Variants in EEF1AKMT4 observed in about 807,000 individuals in gnomAD.
EEF1AKMT4 encodes EEF1A lysine methyltransferase 4, also known as eukaryotic translation elongation factor 1 alpha lysine specific methyltransferase 4.
EEF1AKMT4 carries 17 observed loss-of-function variants against 23.0 expected under a neutral mutation model. The observed-to-expected ratio is 0.74, with a 90% CI of 0.51 to 1.11. The LOEUF (loss-of-function observed/expected upper bound fraction) is 1.11, where lower values mean the gene tolerates loss of function less well. Among genes scored for constraint, EEF1AKMT4 ranks in the 50% least tolerant of loss-of-function variants. The pLI, the probability that EEF1AKMT4 is intolerant of heterozygous loss-of-function variation, is 0.00. For missense variants in EEF1AKMT4, 318 were observed against 333.4 expected (o/e 0.95, Z 0.36); for synonymous variants, 140 against 141.4 (o/e 0.99, Z 0.07).
intron 1 of EEF1AKMT4, among the ~76,000 whole-genome samples, chr3:184,252,780 T>C (rs1294634257): frequency 2.6e-5 from 4 of 151,724 alleles, no homozygotes; most frequent in Admixed American, 1.3e-4. Context: ...CCGTCTCTAC[T>C]AAAAACATAA....
At chr3:184,258,169 C>G in intron 2 of EEF1AKMT4, 119 bp from the exon 3 acceptor site, 1 of 969,156 alleles carries the variant, frequency 1.0e-6, no homozygotes. Flanking sequence ...CATGGAAAGC[C>G]TGAGCTACAG....
At chr3:184,254,540 T>TAA (rs1213250266) in intron 1 of EEF1AKMT4, among the ~76,000 whole-genome samples, 18 of 99,110 alleles carry the variant, frequency 1.8e-4, no homozygotes, top group Admixed American at 2.2e-4. Flanking sequence ...CCGTCTCTAC[T>TAA]AAAAAAAAAA....
chr3:184,257,008 G>A (rs992091005), intron 1 of EEF1AKMT4, among the ~76,000 whole-genome samples: 2 of 151,434 alleles, frequency 1.3e-5, no homozygotes, highest in African/African-American at 4.9e-5. Flanking sequence ...ATCATATCCT[G>A]TATATGGCCT....
Position 184,257,752 on chromosome 3 carries a change from G to A in EEF1AKMT4, c.476G>A (p.Ser159Asn). The change falls in exon 2 of 3, where the codon AGT becomes AAT. Residue 159 changes from serine (S) to asparagine (N), a missense_variant. Coordinates refer to ENST00000324557, the MANE Select transcript of EEF1AKMT4 (RefSeq NM_032331.4). ...EGVHTVDQVL[S>N]EVSRVLVPGG... Reference sequence around the variant, plus strand: ...GTCCACACTGTGGACCAGGTGTTGAGTGAGGTGAGGGAGCAACAAGAGAGG... The same window carrying A: ...GTCCACACTGTGGACCAGGTGTTGAATGAGGTGAGGGAGCAACAAGAGAGG... 1.2e-6 allele frequency: 2 copies of A among 1,610,226 alleles called. No homozygotes were observed. Among genetic ancestry groups the A allele is most frequent in the South Asian group, 2.2e-5 (2 of 90,840 alleles).
chr3:184,258,380 T>G lies in EEF1AKMT4; in HGVS notation c.573T>G (p.Tyr191Ter). The G allele has an allele frequency of 6.2e-7, 1 of 1,613,990 alleles. No homozygotes were observed. The highest frequency in any genetic ancestry group is 8.5e-7 in the Non-Finnish European group (1 of 1,179,900). The change falls in exon 3 of 3, where the codon TAT (tyrosine) becomes TAG (stop). Residue 191 changes from tyrosine to a stop codon, truncating the protein, a stop_gained. Coordinates refer to ENST00000324557, the MANE Select transcript of EEF1AKMT4 (RefSeq NM_032331.4). LOFTEE classifies it high-confidence loss of function. ...CCAGACACTATGCCCAAGCCTATTATGGCTGGTCCCTGAGGCATGCTACCT... is the reference window on the plus strand; with the variant it reads ...CCAGACACTATGCCCAAGCCTATTAGGGCTGGTCCCTGAGGCATGCTACCT... ...FRTRHYAQAY[Y>*]GWSLRHATYG... is the part of the protein sequence containing the mutation.
chr3:184,257,470 CA>C lies in EEF1AKMT4; in HGVS notation c.197-2del, dbSNP rs1560171983. 1 of 1,592,430 alleles carries C rather than the reference CA, an allele frequency of 6.3e-7. No homozygotes were observed. The highest frequency in any genetic ancestry group is 2.3e-5 in the East Asian group (1 of 44,386). On this transcript the variant is annotated splice_acceptor_variant, in intron 1 of 2. Transcript: ENST00000324557. LOFTEE classifies it high-confidence loss of function. ...TTTTGCTACCCATTCCCTCCCACCC[CA>C]GGTTGCGGGAACAGTGCCCTGAGCT...
At chr3:184,255,276 C>A (rs538683550) in intron 1 of EEF1AKMT4, among the ~76,000 whole-genome samples, 1 of 152,300 alleles carries the variant, frequency 6.6e-6, no homozygotes, top group East Asian at 1.9e-4. Flanking sequence ...TGTGCTGTAT[C>A]TATCATGGCT....
Position 184,258,538 on chromosome 3 carries a change from C to T in EEF1AKMT4, c.731C>T (p.Ser244Leu). 1.2e-6 allele frequency: 2 copies of T among 1,606,830 alleles called. No homozygotes were observed. The highest frequency in any genetic ancestry group is 2.7e-5 in the African/African-American group (2 of 74,948). ...PPTSPCFLQDSDHEDFLSAIQ... is the reference protein window; with the variant it reads ...PPTSPCFLQDLDHEDFLSAIQ... ...ACCTCACCTTGCTTCCTTCAGGACT[C>T]AGATCATGAGGACTTCCTTAGTGCC... is the stretch of plus-strand genomic sequence containing the variant. The change falls in exon 3 of 3, where the codon TCA becomes TTA. Residue 244 changes from serine (S) to leucine (L), a missense_variant. By Grantham distance (145) the Ser-to-Leu change is moderately radical. Transcript: ENST00000324557.
rs1577115630 is a variant in EEF1AKMT4, at chr3:184,254,147, C to T, written c.197-3326C>T. Reference sequence around the variant, plus strand: ...GAACAGAGTACCCTGTTGGAAGACTCGTGTGTCTGGTCCCTATGGCTGAGA... The same window carrying T: ...GAACAGAGTACCCTGTTGGAAGACTTGTGTGTCTGGTCCCTATGGCTGAGA... On this transcript the variant is annotated intron_variant, in intron 1 of 2. Transcript: ENST00000324557. Among the ~76,000 whole-genome samples the T allele has an allele frequency of 2.6e-5, 4 of 152,236 alleles. No homozygotes were observed. In the South Asian group the frequency reaches 6.2e-4, roughly 24 times the overall value.
At chr3:184,252,457 CTT>C (rs1302957789) in intron 1 of EEF1AKMT4, among the ~76,000 whole-genome samples, 1 of 152,148 alleles carries the variant, frequency 6.6e-6, no homozygotes, top group Non-Finnish European at 1.5e-5. Flanking sequence ...CCCTTTCTAA[CTT>C]ACTTAATCCT....
intron 2 of EEF1AKMT4, 54 bp downstream of exon 2, chr3:184,257,810 A>T: frequency 1.3e-6 from 2 of 1,556,522 alleles, no homozygotes; most frequent in Non-Finnish European, 1.7e-6. Context: ...TGCGGGGTTG[A>T]GGTTTCAGGG....
At chr3:184,254,201 A>G (rs1284291010) in intron 1 of EEF1AKMT4, among the ~76,000 whole-genome samples, 1 of 152,066 alleles carries the variant, frequency 6.6e-6, no homozygotes, top group Non-Finnish European at 1.5e-5. Flanking sequence ...ATGTATATGG[A>G]TGGCTGGCCC....
chr3:184,254,136 G>T (rs1719685442), intron 1 of EEF1AKMT4, among the ~76,000 whole-genome samples: 1 of 152,176 alleles, frequency 6.6e-6, no homozygotes, highest in South Asian at 2.1e-4. Flanking sequence ...AGAGTACCCT[G>T]TTGGAAGACT....
At chr3:184,250,067 A>G (rs1719457631) in intron 1 of EEF1AKMT4, among the ~76,000 whole-genome samples, 177 bp downstream of exon 1, 1 of 152,188 alleles carries the variant, frequency 6.6e-6, no homozygotes. Flanking sequence ...AACAGGAGTA[A>G]GAGATTGTTG....
chr3:184,258,450 G>A lies in EEF1AKMT4; in HGVS notation c.643G>A (p.Gly215Arg), dbSNP rs373333613. 8.7e-6 allele frequency: 14 copies of A among 1,613,606 alleles called. No individual in the cohort carries two copies. The highest frequency in any genetic ancestry group is 3.3e-5 in the South Asian group (3 of 91,080). Residue 215 changes from glycine to arginine, a missense_variant, in exon 3 of 3, where the codon GGG becomes AGG. By Grantham distance (125) the Gly-to-Arg change is moderately radical (BLOSUM62 -2). Transcript: ENST00000324557. ...CCATCTCTACCTCATGCACAAGGGC[G>A]GGAAGCTCAGTGTGGCCCAGCTGGC... ...HFHLYLMHKG[G>R]KLSVAQLALG... is the part of the protein sequence containing the mutation.
At position 184,253,375 on chromosome 3, in the gene EEF1AKMT4, A is replaced by G. The variant is rs1719643502; in HGVS notation, c.196+3485A>G. ...GTAAGGGTGCTTTGTGACACCACAC[A>G]GATGGGAGTAGGGAGGCATCTGGAA... is the stretch of plus-strand genomic sequence containing the variant. On this transcript the variant is annotated intron_variant, in intron 1 of 2. Coordinates refer to ENST00000324557, the MANE Select transcript of EEF1AKMT4 (RefSeq NM_032331.4). 2.0e-5 allele frequency among the ~76,000 whole-genome samples: 3 copies of G among 152,230 alleles called. No individual in the cohort carries two copies. The South Asian group carries it at 6.2e-4, about 32-fold the overall frequency.
rs1719861669 is a variant in EEF1AKMT4, at chr3:184,257,465, C to A, written c.197-8C>A. The A allele has an allele frequency of 1.3e-6, 2 of 1,590,318 alleles. No individual in the cohort carries two copies. The highest frequency in any genetic ancestry group is 2.2e-5 in the South Asian group (2 of 89,446). ...AGCTCTTTTGCTACCCATTCCCTCC[C>A]ACCCCAGGTTGCGGGAACAGTGCCC... is the stretch of plus-strand genomic sequence containing the variant. On this transcript the variant is annotated splice_region_variant and splice_polypyrimidine_tract_variant and intron_variant, in intron 1 of 2. Coordinates refer to ENST00000324557, the MANE Select transcript of EEF1AKMT4 (RefSeq NM_032331.4).
chr3:184,257,366 A>T (rs1186006532), intron 1 of EEF1AKMT4, 107 bp from the exon 2 acceptor site: 3 of 1,172,816 alleles, frequency 2.6e-6, no homozygotes. Context: ...TCAGTACTAG[A>T]GGGTTTGGAT....
At position 184,258,725 on chromosome 3, in the gene EEF1AKMT4, T is replaced by A. The variant is rs1231156851; in HGVS notation, c.*150T>A. 7.1e-7 allele frequency: 1 copy of A among 1,412,458 alleles called. No homozygotes were observed. Among genetic ancestry groups the A allele is most frequent in the Non-Finnish European group, 9.2e-7 (1 of 1,087,716 alleles). The allele number at this position is 1,412,458 out of a possible 1,614,324, so 87.5% of individuals were successfully genotyped here. On this transcript the variant is annotated 3_prime_UTR_variant, in exon 3 of 3. Coordinates refer to ENST00000324557, the MANE Select transcript of EEF1AKMT4 (RefSeq NM_032331.4). ...GATAGAGGGTGGGAGCGAACCCACA[T>A]GAACCAATACAGCCCAGCTCCAACT...
Sources: allele counts gnomAD v4.1 joint callset (sites outside exome capture counted in the v4.1 genomes callset), GRCh38; gene constraint gnomAD v4.1.1; transcripts MANE v1.5; gene names NCBI Gene and HGNC (gene_info 2026-07-23, HGNC 2026-07-21).